The following DENND1A variants were observed in gnomAD, a reference collection of about 807,000 sequenced individuals.
DENND1A encodes the protein DENN domain-containing protein 1A.
Under a neutral mutation model 113.7 loss-of-function variants are expected in DENND1A, and 51 were observed. That is an observed-to-expected ratio of 0.45 (90% CI 0.36 to 0.57). The LOEUF (loss-of-function observed/expected upper bound fraction) is 0.57. Among genes scored for constraint, DENND1A ranks in the 20% least tolerant of loss-of-function variants. DENND1A has a pLI of 0.00. For missense variants in DENND1A, 1,258 were observed against 1,395.9 expected, an observed-to-expected ratio of 0.90 and a Z score of 1.57; for synonymous variants, 565 against 570.8, an observed-to-expected ratio of 0.99 and a Z score of 0.14.
chr9:123,926,567 CAA>C (rs746978969), intron 1 of DENND1A, among the ~76,000 whole-genome samples: 6 of 41,072 alleles, frequency 1.5e-4, no homozygotes, highest in Non-Finnish European at 2.1e-4. Flanking sequence ...AACTCCATCT[CAA>C]AAAAAAAAAA....
At chr9:123,666,950 CTTTA>C in intron 8 of DENND1A, 72 bp downstream of exon 8, 3 of 1,331,462 alleles carry the variant, frequency 2.3e-6, no homozygotes, top group Non-Finnish European at 3.1e-6. Context: ...AAATCACATC[CTTTA>C]TTTATTCAAA....
chr9:123,805,351 A>G lies in DENND1A; in HGVS notation c.89-12721T>C, dbSNP rs553208835. ...TGTAATATTTCATATACATAATGAG[A>G]TATCTTGAGGATGGGCCCCAAGTCT... On this transcript the variant is annotated intron_variant, in intron 2 of 23. Transcript: ENST00000394215. Among the ~76,000 whole-genome samples, 16 of 152,216 alleles carry G rather than the reference A, an allele frequency of 1.1e-4. No individual in the cohort carries two copies. The South Asian group carries it at 3.1e-3, about 30-fold the overall frequency.
intron 13 of DENND1A, among the ~76,000 whole-genome samples, chr9:123,473,924 G>GCAC (rs1467614816): frequency 2.0e-5 from 3 of 151,234 alleles, no homozygotes; most frequent in Non-Finnish European, 4.4e-5. Context: ...CCATGGGTTT[G>GCAC]CACTCAGCCT....
chr9:123,615,895 C>A (rs2060628666), intron 10 of DENND1A, among the ~76,000 whole-genome samples: 1 of 152,192 alleles, frequency 6.6e-6, no homozygotes, highest in South Asian at 2.1e-4. Flanking sequence ...CACCTTATCT[C>A]ATTTAATCCT....
chr9:123,543,548 A>G (rs941894815), intron 13 of DENND1A, among the ~76,000 whole-genome samples: 1 of 152,134 alleles, frequency 6.6e-6, no homozygotes, highest in African/African-American at 2.4e-5. Context: ...TGGCCTGGAA[A>G]CTGACCACTC....
intron 1 of DENND1A, among the ~76,000 whole-genome samples, chr9:123,904,601 T>C (rs1354864159): frequency 1.3e-5 from 2 of 148,894 alleles, no homozygotes; most frequent in Non-Finnish European, 3.0e-5. Flanking sequence ...TGCAATCAAC[T>C]GGAAGAAAGG....
intron 4 of DENND1A, 86 bp downstream of exon 4, chr9:123,769,428 G>A: frequency 8.4e-7 from 1 of 1,184,656 alleles, no homozygotes; most frequent in Non-Finnish European, 1.2e-6. Context: ...TAAACAGACA[G>A]AATGTTAAGA....
intron 9 of DENND1A, among the ~76,000 whole-genome samples, chr9:123,649,563 G>C (rs996395984): frequency 6.6e-6 from 1 of 152,096 alleles, no homozygotes; most frequent in Admixed American, 6.5e-5. Flanking sequence ...TGGGATGAGT[G>C]TTTTATCTGG....
intron 19 of DENND1A, among the ~76,000 whole-genome samples, chr9:123,439,387 C>T (rs1333810877): frequency 6.6e-6 from 1 of 152,148 alleles, no homozygotes; most frequent in Non-Finnish European, 1.5e-5. Context: ...ACAGTAGTAA[C>T]CTGGAGCAAG....
chr9:123,905,927 C>T lies in DENND1A; in HGVS notation c.17+23962G>A, dbSNP rs984719264. Among the ~76,000 whole-genome samples, 389 of 150,488 alleles carry T rather than the reference C, an allele frequency of 2.6e-3. 4 individuals carry two copies. Among genetic ancestry groups the T allele is most frequent in the African/African-American group, 8.4e-3 (344 of 40,736 alleles). On this transcript the variant is annotated intron_variant, in intron 1 of 23. Transcript: ENST00000394215. ...ACATTTTTTTCAGCACCACACCACA[C>T]CTATTCCAAAATTGACCACATACTT... is the stretch of plus-strand genomic sequence containing the variant.
At chr9:123,397,562 A>G (rs2043198371) in intron 21 of DENND1A, among the ~76,000 whole-genome samples, 2 of 152,248 alleles carry the variant, frequency 1.3e-5, no homozygotes, top group Admixed American at 1.3e-4. Flanking sequence ...CATACACACA[A>G]TGAGATCCTC....
At chr9:123,684,946 G>T (rs1420552233) in intron 5 of DENND1A, among the ~76,000 whole-genome samples, 1 of 152,160 alleles carries the variant, frequency 6.6e-6, no homozygotes, top group Non-Finnish European at 1.5e-5. Context: ...GAACACAGAA[G>T]AGATTCTAGA....
intron 13 of DENND1A, among the ~76,000 whole-genome samples, chr9:123,550,912 AG>A (rs1215004128): frequency 1.3e-5 from 2 of 152,206 alleles, no homozygotes; most frequent in African/African-American, 2.4e-5. Context: ...CTTGCCAAAA[AG>A]GACCCCAGCC....
intron 6 of DENND1A, among the ~76,000 whole-genome samples, chr9:123,672,287 G>A (rs1171524801): frequency 6.6e-6 from 1 of 152,204 alleles, no homozygotes; most frequent in East Asian, 1.9e-4. Context: ...TTCAATCTGA[G>A]CTCTGACAAA....
chr9:123,792,661 G>C, intron 2 of DENND1A, 31 bp from the exon 3 acceptor site: 2 of 1,610,362 alleles, frequency 1.2e-6, no homozygotes, highest in Non-Finnish European at 1.7e-6. Context: ...ATATTAATTG[G>C]CTTTGGATTA....
chr9:123,757,919 T>A, intron 4 of DENND1A, 97 bp from the exon 5 acceptor site: 1 of 1,404,490 alleles, frequency 7.1e-7, no homozygotes, highest in Non-Finnish European at 9.5e-7. Flanking sequence ...TAACATTTCC[T>A]CTCTCAGTGG....
At chr9:123,570,498 T>C (rs1047197467) in intron 12 of DENND1A, among the ~76,000 whole-genome samples, 5 of 152,174 alleles carry the variant, frequency 3.3e-5, no homozygotes, top group African/African-American at 1.2e-4. Context: ...CCTTTGTTTA[T>C]AGCCTGGAGG....
intron 19 of DENND1A, among the ~76,000 whole-genome samples, chr9:123,425,751 C>T (rs78231250): frequency 2.9e-3 from 437 of 152,300 alleles, no homozygotes; most frequent in African/African-American, 9.5e-3. Context: ...GGGACAGTGC[C>T]GGCTCAGAGC....
intron 1 of DENND1A, among the ~76,000 whole-genome samples, chr9:123,880,887 A>T (rs1056480783): frequency 1.2e-4 from 18 of 152,154 alleles, no homozygotes; most frequent in African/African-American, 4.3e-4. Context: ...TCCTAGTAAT[A>T]CCTTAAATAA....
Sources: gnomAD v4.1 joint callset for allele counts (sites outside exome capture counted in the v4.1 genomes callset) on GRCh38, gnomAD v4.1.1 for gene constraint, MANE v1.5 for transcripts, NCBI Gene and HGNC (gene_info 2026-07-23, HGNC 2026-07-21) for gene names.